Variants in TRIM42 observed in about 807,000 individuals in gnomAD.
TRIM42 encodes tripartite motif-containing protein 42.
Under a neutral mutation model 64.9 loss-of-function variants are expected in TRIM42, and 59 were observed. That is an observed-to-expected ratio of 0.91 (90% confidence interval 0.74 to 1.13). The LOEUF is 1.13. TRIM42 is among the 50% of genes most tolerant of loss of function. The probability of loss-of-function intolerance (pLI) is 0.00; values close to 1 mark genes in which losing one functional copy is unlikely to be tolerated. For synonymous variants in TRIM42, 354 were observed against 346.3 expected, an observed-to-expected ratio of 1.02 and a Z score of -0.25; for missense variants, 878 against 929.5, an observed-to-expected ratio of 0.94 and a Z score of 0.72.
Position 140,691,158 on chromosome 3 carries a change from A to T in TRIM42, c.2051A>T (p.Asp684Val). The T allele has an allele frequency of 6.2e-7, 1 of 1,614,174 alleles. No individual in the cohort carries two copies. The highest frequency in any genetic ancestry group is 8.5e-7 in the Non-Finnish European group (1 of 1,180,016). ...EYVFKVRAINDNGPGQWSDIC... is the reference protein window; with the variant it reads ...EYVFKVRAINVNGPGQWSDIC... ...GTGTTTAAAGTTAGAGCCATCAATG[A>T]TAATGGTCCTGGGCAATGGAGTGAT... Residue 684 changes from aspartate to valine, a missense_variant, in exon 4 of 5, where the codon GAT (aspartate) becomes GTT (valine). Coordinates refer to ENST00000286349, the MANE Select transcript of TRIM42 (RefSeq NM_152616.5).
chr3:140,683,102 G>A lies in TRIM42; in HGVS notation c.982G>A (p.Asp328Asn), dbSNP rs752583620. ...TGGCCACGACACCATTAGCCTCATCGACGCCTGCTCCGAGAGGGCCGCCTC... is the reference window on the plus strand; with the variant it reads ...TGGCCACGACACCATTAGCCTCATCAACGCCTGCTCCGAGAGGGCCGCCTC... ...HNGHDTISLI[D>N]ACSERAASLF... The change falls in exon 2 of 5, where the codon GAC (aspartate) becomes AAC (asparagine). Residue 328 changes from aspartate to asparagine, a missense_variant. Physicochemically the swap from Asp to Asn is conservative, Grantham distance 23. Transcript: ENST00000286349. 1 of 1,614,124 alleles carries A rather than the reference G, an allele frequency of 6.2e-7. No homozygotes were observed.
At chr3:140,694,345 C>T (rs966461016) in intron 4 of TRIM42, among the ~76,000 whole-genome samples, 3 of 152,202 alleles carry the variant, frequency 2.0e-5, no homozygotes, top group Non-Finnish European at 4.4e-5. Flanking sequence ...TGGTCCCTAG[C>T]TGAAAGCTTC....
At chr3:140,695,988 T>G (rs569341672) in intron 4 of TRIM42, among the ~76,000 whole-genome samples, 10 of 152,334 alleles carry the variant, frequency 6.6e-5, no homozygotes, top group Admixed American at 3.3e-4. Flanking sequence ...CTGTTGGTCC[T>G]TCCTTTGCTT....
chr3:140,688,308 C>T lies in TRIM42; in HGVS notation c.1626C>T (p.Phe542=). 2 of 1,614,218 alleles carry T rather than the reference C, an allele frequency of 1.2e-6. No individual in the cohort carries two copies. The highest frequency in any genetic ancestry group is 1.7e-6 in the Non-Finnish European group (2 of 1,180,030). Residue 542 remains phenylalanine, a synonymous_variant, in exon 3 of 5, where the codon TTC becomes TTT. Transcript: ENST00000286349. ...AGCGAAGCTCCTCCATGTTGTCCTT[C>T]AGCAACACTGACAAGAAGGCCAAGG... The part of the protein sequence containing the change: ...IYQRSSSMLS[F]SNTDKKAKVG...
rs1576419948 is a variant in TRIM42, at chr3:140,691,104, T to G, written c.1997T>G (p.Leu666Arg). ...GACATAATGCAGCAAAATCTGGAGC[T>G]GCACAACCTGACCCCCAACACAGAA... ...IRDIMQQNLE[L>R]HNLTPNTEYV... Residue 666 changes from leucine to arginine, a missense_variant, in exon 4 of 5, where the codon CTG (leucine) becomes CGG (arginine). Leu to Arg is a moderately radical substitution (Grantham distance 102). Coordinates refer to ENST00000286349, the MANE Select transcript of TRIM42 (RefSeq NM_152616.5). The G allele has an allele frequency of 6.2e-7, 1 of 1,614,158 alleles. No individual in the cohort carries two copies.
At chr3:140,690,650 T>G (rs11919121) in intron 3 of TRIM42, among the ~76,000 whole-genome samples, 135,567 of 147,974 alleles carry the variant, frequency 0.92, 62,800 homozygotes, top group Non-Finnish European at 0.99. Context: ...TGAATTGTGA[T>G]ATTATGAGTG....
chr3:140,684,496 G>A lies in TRIM42; in HGVS notation c.1039+1337G>A, dbSNP rs150363100. On this transcript the variant is annotated intron_variant, in intron 2 of 4. Coordinates refer to ENST00000286349, the MANE Select transcript of TRIM42 (RefSeq NM_152616.5). ...TTCAGATAGGCCTACACATTTGGGA[G>A]GGAGGCAGCTTTTCCTTGACCTGCA... 4.8e-3 allele frequency among the ~76,000 whole-genome samples: 732 copies of A among 152,294 alleles called. 1 individual carries two copies. Among genetic ancestry groups the A allele is most frequent in the Non-Finnish European group, 7.6e-3 (519 of 68,024 alleles).
At chr3:140,678,646 C>T (rs1270812103) in intron 1 of TRIM42, 76 bp downstream of exon 1, 3 of 1,228,654 alleles carry the variant, frequency 2.4e-6, no homozygotes, top group Non-Finnish European at 3.4e-6. Context: ...GTGAAGTCTA[C>T]AGGGCAGGCC....
At chr3:140,698,604 T>C (rs79436609) in intron 4 of TRIM42, among the ~76,000 whole-genome samples, 2,726 of 151,716 alleles carry the variant, frequency 0.018, 39 homozygotes, top group Middle Eastern at 0.038. Flanking sequence ...TCATGTTGCA[T>C]ACCATAAATA....
intron 1 of TRIM42, among the ~76,000 whole-genome samples, chr3:140,679,502 G>C (rs977881587): frequency 4.6e-5 from 7 of 152,178 alleles, no homozygotes; most frequent in African/African-American, 1.2e-4. Context: ...TTTCAAGCCT[G>C]GAAAAGCAAT....
At chr3:140,696,211 T>C (rs1988842669) in intron 4 of TRIM42, among the ~76,000 whole-genome samples, 1 of 152,240 alleles carries the variant, frequency 6.6e-6, no homozygotes, top group South Asian at 2.1e-4. Flanking sequence ...CTTTTTGTTT[T>C]TATGTGTTCT....
At chr3:140,682,340 C>A in intron 1 of TRIM42, 122 bp from the exon 2 acceptor site, 1 of 943,494 alleles carries the variant, frequency 1.1e-6, no homozygotes, top group Non-Finnish European at 1.6e-6. Context: ...TAGCGCCCAG[C>A]TCAGGCTCCT....
At chr3:140,700,056 A>G (rs1450415726) in intron 4 of TRIM42, among the ~76,000 whole-genome samples, 2 of 152,134 alleles carry the variant, frequency 1.3e-5, no homozygotes, top group East Asian at 3.9e-4. Flanking sequence ...CCATTGATCC[A>G]GTGGACTGTC....
Position 140,678,162 on chromosome 3 carries a change from T to C in TRIM42, c.-68T>C, listed in dbSNP as rs576633089. ...AGGAAGGACTCCTCCACTGGAGAAC[T>C]GATAGCAGTATTCTGGTAGAGGAGG... On this transcript the variant is annotated 5_prime_UTR_variant, in exon 1 of 5. The change abolishes the stop of an existing upstream ORF in the 5' untranslated region. Transcript: ENST00000286349. The C allele has an allele frequency of 7.1e-7, 1 of 1,399,982 alleles. No homozygotes were observed. The highest frequency in any genetic ancestry group is 1.0e-6 in the Non-Finnish European group (1 of 1,002,924). The allele number at this position is 1,399,982 out of a possible 1,614,324, so 86.7% of individuals were successfully genotyped here.
At chr3:140,686,103 A>T (rs1211075704) in intron 2 of TRIM42, among the ~76,000 whole-genome samples, 1 of 152,176 alleles carries the variant, frequency 6.6e-6, no homozygotes, top group Non-Finnish European at 1.5e-5. Context: ...CTCTCATCTA[A>T]GAAATTTTTA....
At chr3:140,698,627 A>C (rs991953499) in intron 4 of TRIM42, among the ~76,000 whole-genome samples, 3 of 142,110 alleles carry the variant, frequency 2.1e-5, no homozygotes, top group African/African-American at 9.3e-5. Flanking sequence ...TAAACCAAAT[A>C]GTTTACAGAC....
chr3:140,680,531 A>C, intron 1 of TRIM42: 2 of 210,512 alleles, frequency 9.5e-6, no homozygotes, highest in Non-Finnish European at 1.6e-5. Context: ...GCTTCCTAGT[A>C]GAGATACCTC....
Position 140,688,033 on chromosome 3 carries a change from G to A in TRIM42, c.1351G>A (p.Asp451Asn). ...AFLQSAKILV[D>N]QIEDGIQTTY... ...CCTGCAGTCAGCCAAGATCCTGGTG[G>A]ACCAGATCGAGGACGGCATCCAGAC... The change falls in exon 3 of 5, where the codon GAC becomes AAC. Residue 451 changes from aspartate to asparagine, a missense_variant. Coordinates refer to ENST00000286349, the MANE Select transcript of TRIM42 (RefSeq NM_152616.5). 1 of 1,614,186 alleles carries A rather than the reference G, an allele frequency of 6.2e-7. No individual in the cohort carries two copies. The highest frequency in any genetic ancestry group is 1.1e-5 in the South Asian group (1 of 91,082).
rs536649637 is a variant in TRIM42 at position 140,682,555 on chromosome 3, T to A, written c.435T>A (p.Asn145Lys). The A allele has an allele frequency of 1.2e-6, 2 of 1,614,196 alleles. No individual in the cohort carries two copies. Among genetic ancestry groups the A allele is most frequent in the Non-Finnish European group, 1.7e-6 (2 of 1,180,020 alleles). ...PANSHLVNHL[N>K]CPMCSRLRLH... ...ACAGTCACCTGGTGAACCACCTCAA[T>A]TGCCCCATGTGCAGCCGGCTGCGCC... Residue 145 changes from asparagine to lysine, a missense_variant, in exon 2 of 5, where the codon AAT becomes AAA. By Grantham distance (94) the Asn-to-Lys change is moderately conservative. Coordinates refer to ENST00000286349, the MANE Select transcript of TRIM42 (RefSeq NM_152616.5).
Sources: gnomAD v4.1 joint callset for allele counts (sites outside exome capture counted in the v4.1 genomes callset) on GRCh38, gnomAD v4.1.1 for gene constraint, MANE v1.5 for transcripts, NCBI Gene and HGNC (gene_info 2026-07-23, HGNC 2026-07-21) for gene names.